RGS5: variants seen among roughly 807,000 people sequenced by gnomAD.
RGS5 encodes regulator of G protein signaling 5.
A neutral mutation model predicts 18.9 loss-of-function variants in RGS5; 20 were observed. The observed-to-expected ratio is 1.06, with a 90% CI of 0.74 to 1.54. RGS5 has a LOEUF of 1.54. Among genes scored for constraint, RGS5 ranks in the 40% most tolerant of loss-of-function variants. RGS5 has a pLI of 0.00. For synonymous variants in RGS5, 57 were observed against 76.2 expected, an observed-to-expected ratio of 0.75 and a Z score of 1.31; for missense variants, 201 against 211.8, an observed-to-expected ratio of 0.95 and a Z score of 0.32.
intron 2 of RGS5, among the ~76,000 whole-genome samples, chr1:163,230,029 T>C (rs1286871854): frequency 1.3e-5 from 2 of 152,224 alleles, no homozygotes; most frequent in African/African-American, 4.8e-5. Context: ...AACAAGCCTC[T>C]CTTCATCTCT....
chr1:163,313,436 A>C (rs895743124), intron 1 of RGS5, among the ~76,000 whole-genome samples: 4 of 152,124 alleles, frequency 2.6e-5, no homozygotes, highest in African/African-American at 9.7e-5. Flanking sequence ...CTCTCTTTGG[A>C]GTGATAGGAG....
At chr1:163,282,611 G>A (rs1013107653) in intron 2 of RGS5, among the ~76,000 whole-genome samples, 2 of 152,120 alleles carry the variant, frequency 1.3e-5, no homozygotes, top group African/African-American at 4.8e-5. Flanking sequence ...TTAGGAGTCC[G>A]AGGTGGGAAA....
At chr1:163,292,713 G>A (rs181084862) in intron 2 of RGS5, among the ~76,000 whole-genome samples, 13 of 152,288 alleles carry the variant, frequency 8.5e-5, no homozygotes, top group Non-Finnish European at 1.5e-4. Flanking sequence ...TAGCCATCCT[G>A]ACTGGTGTGA....
At chr1:163,199,486 A>G (rs932777759) in intron 1 of RGS5, among the ~76,000 whole-genome samples, 1 of 152,148 alleles carries the variant, frequency 6.6e-6, no homozygotes, top group African/African-American at 2.4e-5. Flanking sequence ...AAATTTTCTT[A>G]CTTTATGCGG....
At chr1:163,281,468 G>A (rs1386733111) in intron 2 of RGS5, among the ~76,000 whole-genome samples, 1 of 152,056 alleles carries the variant, frequency 6.6e-6, no homozygotes, top group African/African-American at 2.4e-5. Flanking sequence ...AGAGAAAAGA[G>A]GACGAGGGGG....
intron 1 of RGS5, chr1:163,172,495 C>T (rs1658347903): frequency 8.6e-6 from 13 of 1,519,298 alleles, no homozygotes; most frequent in Non-Finnish European, 9.8e-6. Flanking sequence ...TAGAAATCAA[C>T]TATCATTTAT....
At chr1:163,217,396 C>G in intron 1 of RGS5, 1 of 965,618 alleles carries the variant, frequency 1.0e-6, no homozygotes, top group Non-Finnish European at 1.4e-6. Flanking sequence ...TTCCTCCCAT[C>G]AAAGAGAAGA....
At chr1:163,207,364 A>G (rs757339177), upstream of RGS5, among the ~76,000 whole-genome samples, 5 of 152,214 alleles carry the variant, frequency 3.3e-5, no homozygotes, top group Non-Finnish European at 4.4e-5. Flanking sequence ...GGAGCAGTTT[A>G]TCTATAATGT....
intron 4 of RGS5, among the ~76,000 whole-genome samples, chr1:163,150,336 C>T (rs1657324499): frequency 6.6e-6 from 1 of 152,026 alleles, no homozygotes. Flanking sequence ...ATAATGTTTT[C>T]CCAGAGCTCA....
At chr1:163,214,892 G>T (rs1418857626) in intron 1 of RGS5, among the ~76,000 whole-genome samples, 2 of 152,084 alleles carry the variant, frequency 1.3e-5, no homozygotes, top group Non-Finnish European at 2.9e-5. Context: ...TTACTTTGTG[G>T]TTTTAAACAA....
intron 2 of RGS5, among the ~76,000 whole-genome samples, chr1:163,297,655 T>A (rs1039873748): frequency 6.6e-6 from 1 of 152,156 alleles, no homozygotes; most frequent in Non-Finnish European, 1.5e-5. Context: ...TCTCTGTATC[T>A]TCTCCCATGT....
chr1:163,159,762 C>T (rs766571330), intron 3 of RGS5, among the ~76,000 whole-genome samples: 4 of 152,142 alleles, frequency 2.6e-5, no homozygotes, highest in Non-Finnish European at 5.9e-5. Flanking sequence ...TATATAAACA[C>T]ACAGGCAAAC....
intron 2 of RGS5, among the ~76,000 whole-genome samples, chr1:163,281,986 G>A (rs1293715097): frequency 6.6e-6 from 1 of 151,918 alleles, no homozygotes; most frequent in African/African-American, 2.4e-5. Context: ...AAAGGAAAAT[G>A]CTTTAGAATA....
intron 1 of RGS5, among the ~76,000 whole-genome samples, chr1:163,185,389 T>C (rs1378800531): frequency 6.6e-6 from 1 of 152,120 alleles, no homozygotes; most frequent in African/African-American, 2.4e-5. Context: ...CATCTAAAAA[T>C]TCCTAAAAGA....
chr1:163,299,258 G>C (rs959150531), intron 2 of RGS5, among the ~76,000 whole-genome samples: 5 of 152,154 alleles, frequency 3.3e-5, no homozygotes, highest in African/African-American at 1.2e-4. Context: ...CTTTATTGCT[G>C]TATTTTATAT....
intron 1 of RGS5, among the ~76,000 whole-genome samples, chr1:163,172,854 CTT>C (rs1474797866): frequency 6.6e-6 from 1 of 152,154 alleles, no homozygotes; most frequent in Non-Finnish European, 1.5e-5. Flanking sequence ...ACATTGCACT[CTT>C]TTCACAAGAC....
intron 1 of RGS5, among the ~76,000 whole-genome samples, chr1:163,190,618 T>C (rs549714773): frequency 5.5e-5 from 8 of 144,602 alleles, no homozygotes; most frequent in Admixed American, 3.4e-4. Context: ...AGTGCTCGAC[T>C]GACTAACAGT....
At chr1:163,266,005 A>T (rs911402956) in intron 2 of RGS5, among the ~76,000 whole-genome samples, 8 of 152,108 alleles carry the variant, frequency 5.3e-5, no homozygotes, top group Admixed American at 5.2e-4. Flanking sequence ...TGTGCCCTAG[A>T]GTTATCAGCC....
intron 1 of RGS5, among the ~76,000 whole-genome samples, chr1:163,200,107 C>T (rs554965367): frequency 6.6e-6 from 1 of 152,224 alleles, no homozygotes; most frequent in African/African-American, 2.4e-5. Context: ...ATGAATCCAA[C>T]TTTTACCTAT....
Sources: allele counts gnomAD v4.1 joint callset (sites outside exome capture counted in the v4.1 genomes callset), GRCh38; gene constraint gnomAD v4.1.1; transcripts MANE v1.5; gene names NCBI Gene and HGNC (gene_info 2026-07-23, HGNC 2026-07-21).